The following ZBTB7C variants were observed in gnomAD, a reference collection of about 807,000 sequenced individuals.
ZBTB7C encodes the protein zinc finger and BTB domain-containing protein 7C.
In ZBTB7C, 8 loss-of-function variants were observed where a neutral mutation model predicts 25.7. The ratio of observed to expected loss-of-function variants is 0.31; its 90% CI spans 0.18 to 0.56. ZBTB7C has a LOEUF of 0.56. Among genes scored for constraint, ZBTB7C ranks in the 20% least tolerant of loss-of-function variants. The pLI is 0.91. For synonymous variants in ZBTB7C, 394 were observed against 369.0 expected (o/e 1.07, Z -0.78); for missense variants, 824 against 855.2 (o/e 0.96, Z 0.46).
intron 3 of ZBTB7C, among the ~76,000 whole-genome samples, chr18:48,059,139 A>C (rs1303585951): frequency 6.6e-6 from 1 of 152,174 alleles, no homozygotes; most frequent in Non-Finnish European, 1.5e-5. Flanking sequence ...ATGTACATTA[A>C]CTAACTCAAC....
chr18:48,123,673 A>G (rs191546314), intron 3 of ZBTB7C, among the ~76,000 whole-genome samples: 1 of 152,318 alleles, frequency 6.6e-6, no homozygotes, highest in East Asian at 1.9e-4. Context: ...AGCCTTTCAA[A>G]CAGGGAAAAC....
intron 2 of ZBTB7C, among the ~76,000 whole-genome samples, chr18:48,335,629 C>T (rs1314703626): frequency 6.6e-6 from 1 of 152,162 alleles, no homozygotes; most frequent in African/African-American, 2.4e-5. Context: ...CCCCTGGGTG[C>T]TCCTTGGCAA....
intron 3 of ZBTB7C, among the ~76,000 whole-genome samples, chr18:48,060,286 T>C (rs1010170249): frequency 6.6e-6 from 1 of 152,174 alleles, no homozygotes; most frequent in Non-Finnish European, 1.5e-5. Context: ...TACAGTTCTC[T>C]GGAAGAAAGG....
chr18:48,221,018 A>C (rs1002883062), intron 2 of ZBTB7C, among the ~76,000 whole-genome samples: 1 of 148,876 alleles, frequency 6.7e-6, no homozygotes, highest in African/African-American at 2.5e-5. Context: ...ATGCTGTCCT[A>C]GTCTCCTCTA....
At chr18:48,377,313 G>C (rs970971425) in intron 1 of ZBTB7C, among the ~76,000 whole-genome samples, 3 of 152,238 alleles carry the variant, frequency 2.0e-5, no homozygotes, top group Non-Finnish European at 4.4e-5. Flanking sequence ...CTAACACAGG[G>C]AGAGAGCTGT....
chr18:48,389,236 C>CTCGTGT (rs2047833632), intron 1 of ZBTB7C, among the ~76,000 whole-genome samples: 3 of 62,368 alleles, frequency 4.8e-5, no homozygotes, highest in East Asian at 4.7e-4. Flanking sequence ...CTCTCTCTCT[C>CTCGTGT]GTGTGTGTGT....
At position 48,189,111 on chromosome 18, in the gene ZBTB7C, C is replaced by T. The variant is rs1056435719; in HGVS notation, c.-78-3116G>A. Among the ~76,000 whole-genome samples the T allele has an allele frequency of 4.6e-5, 7 of 152,350 alleles. No homozygotes were observed. The East Asian group carries it at 1.3e-3, about 29-fold the overall frequency. ...CACCATGGTTGCCGGATTGCCTTGC[C>T]TCCTTTCTCAGGGAATTCTAACCAT... On this transcript the variant is annotated intron_variant, in intron 2 of 4. Coordinates refer to ENST00000590800, the MANE Select transcript of ZBTB7C (RefSeq NM_001318841.2).
chr18:48,045,500 G>A (rs761540601), intron 3 of ZBTB7C, among the ~76,000 whole-genome samples: 1 of 152,272 alleles, frequency 6.6e-6, no homozygotes, highest in Middle Eastern at 3.4e-3. Flanking sequence ...CCCCTCCAAT[G>A]TGCCCTAAAT....
chr18:48,057,229 A>C (rs1270771815), intron 3 of ZBTB7C, among the ~76,000 whole-genome samples: 2 of 152,196 alleles, frequency 1.3e-5, no homozygotes, highest in Non-Finnish European at 2.9e-5. Flanking sequence ...ATAACTCAGC[A>C]ATTACCCTTA....
chr18:48,367,095 TAAAGA>T (rs2047238941), intron 1 of ZBTB7C, among the ~76,000 whole-genome samples: 3 of 146,844 alleles, frequency 2.0e-5, no homozygotes, highest in Non-Finnish European at 4.5e-5. Context: ...TAAAAAATAA[TAAAGA>T]AAAGGAAGTA....
chr18:48,360,846 C>T (rs1474425405), intron 1 of ZBTB7C, among the ~76,000 whole-genome samples: 5 of 151,950 alleles, frequency 3.3e-5, no homozygotes, highest in East Asian at 1.9e-4. Flanking sequence ...GGGTCGCTGG[C>T]GGAAGGGTGA....
chr18:48,220,912 A>G (rs1452705068), intron 2 of ZBTB7C, among the ~76,000 whole-genome samples: 6 of 149,910 alleles, frequency 4.0e-5, no homozygotes, highest in African/African-American at 1.5e-4. Flanking sequence ...ATCCCTCTAT[A>G]CTCTCTCCCT....
At chr18:48,273,678 G>C (rs1227086711) in intron 2 of ZBTB7C, among the ~76,000 whole-genome samples, 1 of 151,902 alleles carries the variant, frequency 6.6e-6, no homozygotes, top group South Asian at 2.1e-4. Context: ...AAATAAGGTA[G>C]AAACGTTAAG....
intron 2 of ZBTB7C, among the ~76,000 whole-genome samples, chr18:48,334,546 T>C (rs916508921): frequency 6.6e-6 from 1 of 152,144 alleles, no homozygotes; most frequent in Non-Finnish European, 1.5e-5. Context: ...ACATACACTA[T>C]CTCATTTGAG....
At chr18:48,396,168 G>A (rs2048025566) in intron 1 of ZBTB7C, among the ~76,000 whole-genome samples, 1 of 152,202 alleles carries the variant, frequency 6.6e-6, no homozygotes, top group Admixed American at 6.5e-5. Context: ...ACAGAGGCAA[G>A]GACACAACTA....
At chr18:48,255,030 C>T (rs1401865954) in intron 2 of ZBTB7C, among the ~76,000 whole-genome samples, 1 of 152,178 alleles carries the variant, frequency 6.6e-6, no homozygotes, top group Non-Finnish European at 1.5e-5. Context: ...TCCCACCGAA[C>T]AAATCTTATA....
chr18:48,286,616 C>T (rs2045062874), intron 2 of ZBTB7C, among the ~76,000 whole-genome samples: 1 of 152,052 alleles, frequency 6.6e-6, no homozygotes, highest in Admixed American at 6.6e-5. Flanking sequence ...TGGGCCAACA[C>T]AGTATTAGGG....
chr18:48,345,414 AGGT>A (rs1430237268), intron 1 of ZBTB7C, among the ~76,000 whole-genome samples: 2 of 152,148 alleles, frequency 1.3e-5, no homozygotes, highest in African/African-American at 4.8e-5. Context: ...ACATGCGTAG[AGGT>A]GGACTCTTCT....
chr18:48,321,452 C>T (rs747796668), intron 2 of ZBTB7C, among the ~76,000 whole-genome samples: 15 of 152,160 alleles, frequency 9.9e-5, no homozygotes, highest in South Asian at 2.1e-4. Context: ...AGGACCGCCT[C>T]GCAGCCTGGA....
Sources: allele counts gnomAD v4.1 joint callset (sites outside exome capture counted in the v4.1 genomes callset), GRCh38; gene constraint gnomAD v4.1.1; transcripts MANE v1.5; gene names NCBI Gene and HGNC (gene_info 2026-07-23, HGNC 2026-07-21).